PEX5L: variants seen among roughly 807,000 people sequenced by gnomAD.
PEX5L encodes the protein peroxisomal biogenesis factor 5 like.
Under a neutral mutation model 84.0 loss-of-function variants are expected in PEX5L, and 30 were observed. The observed-to-expected ratio is 0.36, with a 90% CI of 0.27 to 0.48. The LOEUF is 0.48. PEX5L is among the 20% of genes least tolerant of loss of function. PEX5L has a pLI of 0.99. For synonymous variants in PEX5L, 270 were observed against 283.1 expected (o/e 0.95, Z 0.46); for missense variants, 533 against 754.6 (o/e 0.71, Z 3.44).
intron 2 of PEX5L, among the ~76,000 whole-genome samples, chr3:179,932,776 TATG>T (rs1773452818): frequency 6.6e-6 from 1 of 152,186 alleles, no homozygotes; most frequent in Admixed American, 6.5e-5. Context: ...TAATGTACGA[TATG>T]ATGTTTTGAA....
At chr3:179,879,442 T>C (rs961402416) in intron 5 of PEX5L, among the ~76,000 whole-genome samples, 13 of 152,216 alleles carry the variant, frequency 8.5e-5, no homozygotes, top group African/African-American at 2.9e-4. Context: ...AGATAATATA[T>C]GTAAGTAATG....
intron 11 of PEX5L, among the ~76,000 whole-genome samples, chr3:179,810,778 G>A (rs77817071): frequency 0.015 from 2,290 of 152,236 alleles, 51 homozygotes; most frequent in Middle Eastern, 0.13. Flanking sequence ...TAAAACTATT[G>A]CTGCTTGGTT....
chr3:179,995,211 C>T (rs1036477478), intron 1 of PEX5L, among the ~76,000 whole-genome samples: 5 of 146,538 alleles, frequency 3.4e-5, no homozygotes, highest in African/African-American at 1.0e-4. Flanking sequence ...TGTATATATA[C>T]ACACACTATC....
At chr3:179,882,067 T>C (rs1754330103) in intron 4 of PEX5L, among the ~76,000 whole-genome samples, 1 of 152,204 alleles carries the variant, frequency 6.6e-6, no homozygotes, top group South Asian at 2.1e-4. Context: ...CACTATTATG[T>C]TGGCAAGGAG....
intron 2 of PEX5L, among the ~76,000 whole-genome samples, chr3:179,919,774 C>T (rs1768631978): frequency 1.3e-5 from 2 of 152,210 alleles, no homozygotes; most frequent in African/African-American, 2.4e-5. Flanking sequence ...GCGATCTCAG[C>T]TCACTGCAAC....
At chr3:180,035,782 G>T (rs1791852093) in intron 1 of PEX5L, among the ~76,000 whole-genome samples, 1 of 152,164 alleles carries the variant, frequency 6.6e-6, no homozygotes, top group Non-Finnish European at 1.5e-5. Context: ...GTGCGATAAA[G>T]AGTCCAGTTC....
At chr3:179,987,999 G>T (rs1281617565) in intron 1 of PEX5L, among the ~76,000 whole-genome samples, 2 of 151,992 alleles carry the variant, frequency 1.3e-5, no homozygotes, top group Non-Finnish European at 2.9e-5. Context: ...ATATTCAAAG[G>T]CTTGTACCTT....
intron 2 of PEX5L, among the ~76,000 whole-genome samples, chr3:179,958,557 T>C (rs1019882374): frequency 6.6e-6 from 1 of 152,224 alleles, no homozygotes; most frequent in Non-Finnish European, 1.5e-5. Flanking sequence ...AAACGTGGTG[T>C]AAGACCAGAA....
intron 2 of PEX5L, chr3:179,900,846 C>T (rs1265636652): frequency 1.9e-5 from 13 of 689,414 alleles, no homozygotes; most frequent in Non-Finnish European, 3.0e-5. Context: ...TTTACAAGTG[C>T]GGTACAGTCT....
chr3:179,866,619 T>C (rs1748264635), intron 7 of PEX5L, among the ~76,000 whole-genome samples: 1 of 152,130 alleles, frequency 6.6e-6, no homozygotes, highest in Non-Finnish European at 1.5e-5. Flanking sequence ...TTTTGTTTAG[T>C]GGTTGGCAGA....
intron 2 of PEX5L, among the ~76,000 whole-genome samples, chr3:179,922,053 T>C (rs1769623161): frequency 6.7e-6 from 1 of 149,090 alleles, no homozygotes; most frequent in African/African-American, 2.5e-5. Context: ...CCCCAACACA[T>C]AATGTATATT....
intron 2 of PEX5L, among the ~76,000 whole-genome samples, chr3:179,937,202 ATTG>A (rs1011643135): frequency 6.6e-6 from 1 of 152,182 alleles, no homozygotes; most frequent in African/African-American, 2.4e-5. Context: ...AAAAGTTCAT[ATTG>A]TTTTATATTT....
chr3:180,030,001 C>CT (rs1400197190), intron 1 of PEX5L, among the ~76,000 whole-genome samples: 1 of 152,154 alleles, frequency 6.6e-6, no homozygotes, highest in African/African-American at 2.4e-5. Flanking sequence ...TTCTCACTTT[C>CT]TTAAGGAGCT....
At chr3:180,031,402 C>A (rs1283530506) in intron 1 of PEX5L, among the ~76,000 whole-genome samples, 2 of 152,094 alleles carry the variant, frequency 1.3e-5, no homozygotes, top group Non-Finnish European at 2.9e-5. Flanking sequence ...AGAAACATAA[C>A]CCCCACTTCA....
intron 2 of PEX5L, among the ~76,000 whole-genome samples, chr3:179,937,441 A>G (rs1334905107): frequency 6.6e-6 from 1 of 152,230 alleles, no homozygotes; most frequent in African/African-American, 2.4e-5. Flanking sequence ...ATTGAAAAAA[A>G]TAGCCTCTGA....
At position 179,801,965 on chromosome 3, in the gene PEX5L, G is replaced by A; in HGVS notation, c.1744C>T (p.Pro582Ser). Reference sequence around the variant, plus strand: ...ATATTCCCAGAGATTGCAGGATGAGGAACTTGCTGCTGATTCCTGCTCTTT... The same window carrying A: ...ATATTCCCAGAGATTGCAGGATGAGAAACTTGCTGCTGATTCCTGCTCTTT... ...QRKSRNQQQV[P>S]HPAISGNIWA... Residue 582 changes from proline to serine, a missense_variant, in exon 15 of 15, where the codon CCT becomes TCT. This residue lies in a region of PEX5L where 105 missense variants were observed against 204.6 expected (regional missense o/e 0.51). Transcript: ENST00000467460. 2.5e-6 allele frequency: 4 copies of A among 1,613,856 alleles called. No homozygotes were observed. Among genetic ancestry groups the A allele is most frequent in the Non-Finnish European group, 1.7e-6 (2 of 1,179,800 alleles).
intron 1 of PEX5L, among the ~76,000 whole-genome samples, chr3:179,974,456 G>A (rs1785493380): frequency 6.6e-6 from 1 of 152,162 alleles, no homozygotes; most frequent in South Asian, 2.1e-4. Context: ...AGCCGAGGAG[G>A]GAGCATTAGT....
intron 2 of PEX5L, among the ~76,000 whole-genome samples, chr3:179,909,456 CA>C (rs763325580): frequency 2.6e-5 from 4 of 152,200 alleles, no homozygotes; most frequent in Non-Finnish European, 5.9e-5. Context: ...TAAGTCAAAG[CA>C]AAGACAAGTG....
At chr3:179,909,658 C>A (rs1240149433) in intron 2 of PEX5L, among the ~76,000 whole-genome samples, 1 of 152,104 alleles carries the variant, frequency 6.6e-6, no homozygotes, top group Non-Finnish European at 1.5e-5. Flanking sequence ...AGATACTAAG[C>A]CCCAGTATTT....
Sources: gnomAD v4.1 joint callset for allele counts (sites outside exome capture counted in the v4.1 genomes callset) on GRCh38, gnomAD v4.1.1 for gene constraint, gnomAD v4.1.1 regional missense constraint, MANE v1.5 for transcripts, NCBI Gene and HGNC (gene_info 2026-07-23, HGNC 2026-07-21) for gene names.